Variants in ZDHHC14 observed in about 807,000 individuals in gnomAD.
ZDHHC14 encodes zDHHC palmitoyltransferase 14.
ZDHHC14 carries 16 observed loss-of-function variants against 47.7 expected under a neutral mutation model. The ratio of observed to expected loss-of-function variants is 0.34; its 90% CI spans 0.23 to 0.51. The LOEUF (loss-of-function observed/expected upper bound fraction) is 0.51. Among genes scored for constraint, ZDHHC14 ranks in the 20% least tolerant of loss-of-function variants. The probability of loss-of-function intolerance (pLI) is 0.97; values close to 1 mark genes in which losing one functional copy is unlikely to be tolerated. For synonymous variants in ZDHHC14, 293 were observed against 278.9 expected (o/e 1.05, Z -0.50); for missense variants, 515 against 662.5 (o/e 0.78, Z 2.44).
intron 1 of ZDHHC14, among the ~76,000 whole-genome samples, chr6:157,386,025 T>G (rs1777302905): frequency 6.6e-6 from 1 of 152,202 alleles, no homozygotes; most frequent in South Asian, 2.1e-4. Context: ...GTATACGGTA[T>G]ACTGTGTACC....
intron 1 of ZDHHC14, among the ~76,000 whole-genome samples, chr6:157,528,288 TTTG>T (rs757781403): frequency 1.3e-5 from 2 of 152,192 alleles, no homozygotes; most frequent in African/African-American, 2.4e-5. Flanking sequence ...GAACAGTTTT[TTTG>T]TTGTTGTTGT....
intron 1 of ZDHHC14, among the ~76,000 whole-genome samples, chr6:157,432,995 C>T (rs749007234): frequency 8.5e-5 from 13 of 152,246 alleles, no homozygotes; most frequent in Non-Finnish European, 1.5e-4. Context: ...GCTGAAATCC[C>T]CGGCGTGGGG....
At chr6:157,567,431 C>T (rs561509380) in intron 2 of ZDHHC14, among the ~76,000 whole-genome samples, 29 of 152,298 alleles carry the variant, frequency 1.9e-4, no homozygotes, top group East Asian at 1.2e-3. Flanking sequence ...CCTGTGGTTG[C>T]GGGCTTGGTT....
chr6:157,482,513 G>A (rs1017919937), intron 1 of ZDHHC14, among the ~76,000 whole-genome samples: 24 of 151,396 alleles, frequency 1.6e-4, no homozygotes, highest in Admixed American at 6.6e-4. Context: ...CTTGGCCTCC[G>A]AAAGTGCTGG....
intron 1 of ZDHHC14, among the ~76,000 whole-genome samples, chr6:157,416,777 C>T (rs1380566415): frequency 1.3e-5 from 2 of 149,882 alleles, no homozygotes; most frequent in Non-Finnish European, 3.0e-5. Context: ...CTCCCACTTG[C>T]CACTCCCGAG....
At chr6:157,663,846 A>G (rs995266792) in intron 8 of ZDHHC14, among the ~76,000 whole-genome samples, 3 of 152,190 alleles carry the variant, frequency 2.0e-5, no homozygotes, top group African/African-American at 7.2e-5. Context: ...CCACGTACAT[A>G]ACTTCTGCTA....
intron 2 of ZDHHC14, among the ~76,000 whole-genome samples, chr6:157,552,620 T>C: frequency 6.6e-6 from 1 of 151,954 alleles, no homozygotes; most frequent in Non-Finnish European, 1.5e-5. Flanking sequence ...TGGCGGGACC[T>C]GTTTGGGAGG....
intron 3 of ZDHHC14, among the ~76,000 whole-genome samples, chr6:157,625,982 T>TG (rs1349221481): frequency 6.6e-6 from 1 of 152,174 alleles, no homozygotes; most frequent in African/African-American, 2.4e-5. Context: ...CATCATCTGT[T>TG]GCTTTCATTT....
intron 2 of ZDHHC14, among the ~76,000 whole-genome samples, chr6:157,561,698 G>A (rs967801735): frequency 1.3e-5 from 2 of 152,162 alleles, no homozygotes. Flanking sequence ...TTTCACTGTT[G>A]TCACCCAGCC....
intron 1 of ZDHHC14, among the ~76,000 whole-genome samples, chr6:157,486,135 G>A (rs1377085396): frequency 2.6e-5 from 4 of 152,148 alleles, no homozygotes; most frequent in Non-Finnish European, 1.5e-5. Context: ...TATTAGTTCA[G>A]TGAGTTGCCC....
intron 2 of ZDHHC14, among the ~76,000 whole-genome samples, chr6:157,559,222 G>A (rs897775116): frequency 6.6e-6 from 1 of 152,246 alleles, no homozygotes; most frequent in African/African-American, 2.4e-5. Flanking sequence ...GGATGTGGTG[G>A]TCGGCCATCT....
At chr6:157,398,176 A>G (rs1400557630) in intron 1 of ZDHHC14, among the ~76,000 whole-genome samples, 2 of 152,028 alleles carry the variant, frequency 1.3e-5, no homozygotes, top group Non-Finnish European at 2.9e-5. Flanking sequence ...AGAGTATGGA[A>G]ACAGGGACGT....
At chr6:157,531,754 T>A (rs1210429007) in intron 1 of ZDHHC14, among the ~76,000 whole-genome samples, 1 of 152,232 alleles carries the variant, frequency 6.6e-6, no homozygotes, top group South Asian at 2.1e-4. Context: ...CTCAGTCATC[T>A]CCTGCATCCA....
intron 1 of ZDHHC14, among the ~76,000 whole-genome samples, chr6:157,399,502 A>T (rs1468900819): frequency 6.6e-6 from 1 of 152,234 alleles, no homozygotes; most frequent in Non-Finnish European, 1.5e-5. Flanking sequence ...CTTTTTGCTC[A>T]TAACAGTCTG....
chr6:157,504,783 GTGTTTTGTTTTGTTTTGTTT>G (rs10692552), intron 1 of ZDHHC14, among the ~76,000 whole-genome samples: 4 of 149,198 alleles, frequency 2.7e-5, no homozygotes, highest in African/African-American at 7.5e-5. Context: ...AAAATACCAT[GTGTTTTGTTTTGTTTTGTTT>G]TGTTTTGTTT....
chr6:157,447,771 T>C (rs1778714645), intron 1 of ZDHHC14, among the ~76,000 whole-genome samples: 1 of 152,176 alleles, frequency 6.6e-6, no homozygotes, highest in South Asian at 2.1e-4. Context: ...TTTAGGTGGG[T>C]GATGAGTGGG....
chr6:157,656,044 T>G (rs1263233571), intron 8 of ZDHHC14, among the ~76,000 whole-genome samples: 1 of 152,222 alleles, frequency 6.6e-6, no homozygotes, highest in African/African-American at 2.4e-5. Context: ...ACAGAGAAGG[T>G]GGCTTTAACC....
chr6:157,477,074 T>C (rs1779505387), intron 1 of ZDHHC14, among the ~76,000 whole-genome samples: 1 of 152,042 alleles, frequency 6.6e-6, no homozygotes. Context: ...GAGAGAGAAA[T>C]AACAGGCATC....
intron 1 of ZDHHC14, among the ~76,000 whole-genome samples, chr6:157,541,335 C>T (rs947661359): frequency 5.3e-5 from 8 of 152,154 alleles, no homozygotes; most frequent in Non-Finnish European, 1.0e-4. Context: ...AAGGGGATCA[C>T]GGCTTGTGGC....
Sources: allele counts gnomAD v4.1 joint callset (sites outside exome capture counted in the v4.1 genomes callset), GRCh38; gene constraint gnomAD v4.1.1; transcripts MANE v1.5; gene names NCBI Gene and HGNC (gene_info 2026-07-23, HGNC 2026-07-21).